The following TSBP1 variants were observed in gnomAD, a reference collection of about 807,000 sequenced individuals.
TSBP1 encodes testis expressed basic protein 1, also known as testis-expressed basic protein 1.
A neutral mutation model predicts 68.8 loss-of-function variants in TSBP1; 56 were observed. That is an observed-to-expected ratio of 0.81 (90% confidence interval 0.66 to 1.02). TSBP1 has a LOEUF of 1.02. Ranked by LOEUF, TSBP1 falls within the 50% of genes least tolerant of loss-of-function variation. TSBP1 has a pLI of 0.00. For missense variants in TSBP1, 502 were observed against 641.2 expected (o/e 0.78, Z 2.34); for synonymous variants, 171 against 208.7 (o/e 0.82, Z 1.56).
rs1252465301 is a variant in TSBP1 at position 32,292,800 on chromosome 6, CTG to C, written c.*179_*180del. 2 of 541,340 alleles carry C rather than the reference CTG, an allele frequency of 3.7e-6. No individual in the cohort carries two copies. The highest frequency in any genetic ancestry group is 2.9e-5 in the South Asian group (1 of 34,942). The allele number at this position is 541,340 out of a possible 1,614,324, so 33.5% of individuals were successfully genotyped here. ...AACTTATAAAACAAATATTTGGAAA[CTG>C]AGGTTTGTGGCTGAGAGATTAAAAA... is the stretch of plus-strand genomic sequence containing the variant. On this transcript the variant is annotated 3_prime_UTR_variant, in exon 23 of 23. Transcript: ENST00000612031. The surrounding 1 kb of genome is among the most constrained non-coding windows in gnomAD (Gnocchi z 4.1).
intron 16 of TSBP1, among the ~76,000 whole-genome samples, chr6:32,326,414 C>T (rs1768223035): frequency 6.6e-6 from 1 of 151,980 alleles, no homozygotes; most frequent in Non-Finnish European, 1.5e-5. Context: ...TAAAGCATTC[C>T]GACAAAGGGT....
intron 16 of TSBP1, among the ~76,000 whole-genome samples, chr6:32,326,434 GA>G (rs1768226430): frequency 6.6e-6 from 1 of 152,094 alleles, no homozygotes; most frequent in African/African-American, 2.4e-5. Flanking sequence ...TTTTAATGTA[GA>G]TTTTTTTTTG....
intron 6 of TSBP1, among the ~76,000 whole-genome samples, chr6:32,358,531 A>G (rs1243043649): frequency 1.3e-5 from 2 of 151,938 alleles, no homozygotes; most frequent in Non-Finnish European, 2.9e-5. Context: ...CGTCATTTAC[A>G]TTAGGTATAT....
chr6:32,366,662 C>G (rs1184111395), intron 4 of TSBP1, among the ~76,000 whole-genome samples: 1 of 144,944 alleles, frequency 6.9e-6, no homozygotes, highest in Admixed American at 7.5e-5. Flanking sequence ...GCTCAGAAGG[C>G]TGAGAGAGGA....
chr6:32,356,072 C>G (rs1255089121), intron 6 of TSBP1, among the ~76,000 whole-genome samples: 1 of 152,126 alleles, frequency 6.6e-6, no homozygotes, highest in Non-Finnish European at 1.5e-5. Context: ...ATCCTATGAT[C>G]TAAAACTTGT....
chr6:32,367,892 C>T, intron 4 of TSBP1, 33 bp downstream of exon 4: 2 of 1,519,384 alleles, frequency 1.3e-6, no homozygotes, highest in East Asian at 2.3e-5. Context: ...TATATTCCTT[C>T]ATTAACTGTC....
chr6:32,342,066 G>A (rs910010031), intron 9 of TSBP1, among the ~76,000 whole-genome samples: 1 of 108,670 alleles, frequency 9.2e-6, no homozygotes, highest in African/African-American at 4.0e-5. Context: ...TTTTTTTTTT[G>A]ACAATCAATT....
In TSBP1 at chr6:32,366,579, C is replaced by T. The variant is rs536080581; in HGVS notation, c.167-277G>A. Among the ~76,000 whole-genome samples, 172 of 151,058 alleles carry T rather than the reference C, an allele frequency of 1.1e-3. 1 individual carries two copies. The highest frequency in any genetic ancestry group is 2.1e-3 in the Non-Finnish European group (141 of 67,740). On this transcript the variant is annotated intron_variant, in intron 4 of 22. Transcript: ENST00000612031. ...GAGATCGAGACCATCCTGGCTAACA[C>T]GGTGAAACCCCGTCTCTACTAAAAA...
Position 32,337,027 on chromosome 6 carries a change from G to T in TSBP1, c.410-392C>A, listed in dbSNP as rs1769758899. Among the ~76,000 whole-genome samples the T allele has an allele frequency of 6.6e-6, 1 of 152,160 alleles. No individual in the cohort carries two copies. Among genetic ancestry groups the T allele is most frequent in the South Asian group, 2.1e-4 (1 of 4,830 alleles). ...GAGAAATCCTGCAGGGGTAGAAATG[G>T]TAACAGTTAGGATGTGGAGAGGACC... On this transcript the variant is annotated intron_variant, in intron 11 of 22. Coordinates refer to ENST00000612031, the Ensembl canonical transcript of TSBP1. This position sits in a 1 kb window ranked among gnomAD's most constrained non-coding sequence, Gnocchi z 5.5.
intron 9 of TSBP1, among the ~76,000 whole-genome samples, chr6:32,345,755 G>A (rs888154121): frequency 3.9e-5 from 6 of 152,082 alleles, no homozygotes; most frequent in Non-Finnish European, 7.4e-5. Flanking sequence ...AGATTTTCAA[G>A]GAAATAATAG....
intron 6 of TSBP1, among the ~76,000 whole-genome samples, chr6:32,356,644 CG>C (rs144564967): frequency 0.015 from 2,268 of 151,840 alleles, 36 homozygotes; most frequent in Non-Finnish European, 0.024. Flanking sequence ...TGCCTGTGCC[CG>C]GGAGACGGAG....
chr6:32,336,492 G>A lies in TSBP1; in HGVS notation c.430+123C>T. ...TATACCCATTAGCAAACCTGCATAT[G>A]CACCACCGGAATCTAAAATAAAAGT... On this transcript the variant is annotated intron_variant, in intron 12 of 22. Coordinates refer to ENST00000612031, the Ensembl canonical transcript of TSBP1. The surrounding 1 kb of genome is among the most constrained non-coding windows in gnomAD (Gnocchi z 5.2). 1 of 804,112 alleles carries A rather than the reference G, an allele frequency of 1.2e-6. No homozygotes were observed. The highest frequency in any genetic ancestry group is 2.1e-6 in the Non-Finnish European group (1 of 487,668). The allele number at this position is 804,112 out of a possible 1,614,324, so 49.8% of individuals were successfully genotyped here.
intron 8 of TSBP1, among the ~76,000 whole-genome samples, chr6:32,350,406 T>C (rs756810514): frequency 6.6e-6 from 1 of 152,230 alleles, no homozygotes; most frequent in African/African-American, 2.4e-5. Context: ...CTTTAAGTGA[T>C]TACTTTGAAC....
chr6:32,339,652 T>G lies in TSBP1; in HGVS notation c.350-14A>C, dbSNP rs1770113553. The G allele has an allele frequency of 1.8e-6, 2 of 1,119,604 alleles. No homozygotes were observed. The highest frequency in any genetic ancestry group is 2.7e-6 in the Non-Finnish European group (2 of 751,594). 69.4% of individuals were successfully genotyped at this position (1,119,604 alleles called of 1,614,324 possible). On this transcript the variant is annotated splice_polypyrimidine_tract_variant and intron_variant, in intron 9 of 22. Coordinates refer to ENST00000612031, the Ensembl canonical transcript of TSBP1. ...ATTTTATACTACCTATAATAAAAAT[T>G]GAAAAGTGTAACATTATTTAGATTT...
chr6:32,371,844 A>C, exon 1 of TSBP1: 1 of 878,848 alleles, frequency 1.1e-6, no homozygotes, highest in East Asian at 2.4e-5. Context: ...TTGTAGGCAG[A>C]GATGCAGAGG....
At position 32,340,181 on chromosome 6, in the gene TSBP1, C is replaced by A. The variant is rs552581601; in HGVS notation, c.350-543G>T. 6.6e-6 allele frequency among the ~76,000 whole-genome samples: 1 copy of A among 152,100 alleles called. No individual in the cohort carries two copies. Among genetic ancestry groups the A allele is most frequent in the African/African-American group, 2.4e-5 (1 of 41,484 alleles). On this transcript the variant is annotated intron_variant, in intron 9 of 22. Transcript: ENST00000612031. The surrounding 1 kb of genome is among the most constrained non-coding windows in gnomAD (Gnocchi z 4.8). ...TAAAACAACCCTATCTTCTTGTGTA[C>A]CTTAGTACCTTAATTATGTCATTTT...
At chr6:32,331,908 G>T in intron 15 of TSBP1, 126 bp downstream of exon 16, 2 of 751,630 alleles carry the variant, frequency 2.7e-6, no homozygotes, top group East Asian at 2.6e-5. Context: ...ACGATATGGG[G>T]AAATGAAAGT....
At position 32,325,591 on chromosome 6, in the gene TSBP1, T is replaced by C; in HGVS notation, c.515-1977A>G. ...GAAGAAATCACCTAAGAAATTATTTTGAGTAGTATGGAAAAATTGAAGTGA... is the reference window on the plus strand; with the variant it reads ...GAAGAAATCACCTAAGAAATTATTTCGAGTAGTATGGAAAAATTGAAGTGA... On this transcript the variant is annotated intron_variant, in intron 16 of 22. Coordinates refer to ENST00000612031, the Ensembl canonical transcript of TSBP1. This position sits in a 1 kb window ranked among gnomAD's most constrained non-coding sequence, Gnocchi z 4.4. 1 of 911,702 alleles carries C rather than the reference T, an allele frequency of 1.1e-6. No individual in the cohort carries two copies. The highest frequency in any genetic ancestry group is 2.4e-5 in the East Asian group (1 of 41,704). 56.5% of individuals were successfully genotyped at this position (911,702 alleles called of 1,614,324 possible). A position where few individuals can be genotyped will look rare whatever the true frequency, so the allele number is the denominator to read the frequency against.
chr6:32,301,676 T>G (rs1367240298), intron 20 of TSBP1, among the ~76,000 whole-genome samples: 1 of 149,892 alleles, frequency 6.7e-6, no homozygotes, highest in Non-Finnish European at 1.5e-5. Context: ...ATCACACCAG[T>G]GCACTCTAGC....
Sources: allele counts gnomAD v4.1 joint callset (sites outside exome capture counted in the v4.1 genomes callset), GRCh38; gene constraint gnomAD v4.1.1; non-coding constraint Gnocchi (gnomAD v3.1); transcripts MANE v1.5; gene names NCBI Gene and HGNC (gene_info 2026-07-23, HGNC 2026-07-21).